The following FOCAD variants were observed in gnomAD, a reference collection of about 807,000 sequenced individuals.
FOCAD encodes KIAA1797.
A neutral mutation model predicts 225.6 loss-of-function variants in FOCAD; 198 were observed. The ratio of observed to expected loss-of-function variants is 0.88; its 90% CI spans 0.78 to 0.99. FOCAD has a LOEUF of 0.99. FOCAD is among the 50% of genes least tolerant of loss of function. FOCAD has a pLI of 0.00. For synonymous variants in FOCAD, 897 were observed against 755.0 expected (o/e 1.19, Z -3.08); for missense variants, 2,713 against 2,123.6 (o/e 1.28, Z -5.46).
chr9:20,978,328 T>C lies in FOCAD; in HGVS notation c.4262-11T>C. Reference sequence around the variant, plus strand: ...CTATATATTCAATTCTTTTCCTTTCTTGACTTTCAGGTGAAGAGATCCAGC... The same window carrying C: ...CTATATATTCAATTCTTTTCCTTTCCTGACTTTCAGGTGAAGAGATCCAGC... On this transcript the variant is annotated splice_polypyrimidine_tract_variant and intron_variant, in intron 36 of 43. Coordinates refer to ENST00000338382, the MANE Select transcript of FOCAD (RefSeq NM_001375567.1). 1 of 1,571,014 alleles carries C rather than the reference T, an allele frequency of 6.4e-7. No individual in the cohort carries two copies. Among genetic ancestry groups the C allele is most frequent in the Non-Finnish European group, 8.7e-7 (1 of 1,150,320 alleles).
intron 35 of FOCAD, among the ~76,000 whole-genome samples, chr9:20,961,829 G>A (rs1392697435): frequency 6.6e-6 from 1 of 152,086 alleles, no homozygotes; most frequent in East Asian, 1.9e-4. Flanking sequence ...ATCCTACTTT[G>A]TGGCCTTCCT....
At chr9:20,935,781 C>T (rs144984345) in intron 28 of FOCAD, among the ~76,000 whole-genome samples, 1 of 152,276 alleles carries the variant, frequency 6.6e-6, no homozygotes, top group African/African-American at 2.4e-5. Context: ...TTATGTTTCC[C>T]TGTGAAATCA....
intron 5 of FOCAD, among the ~76,000 whole-genome samples, chr9:20,749,430 T>C (rs1268909062): frequency 6.6e-6 from 1 of 152,160 alleles, no homozygotes; most frequent in Non-Finnish European, 1.5e-5. Flanking sequence ...TTGTTTAGTT[T>C]TTCCTTTTGA....
At chr9:20,832,777 T>C (rs968523783) in intron 15 of FOCAD, among the ~76,000 whole-genome samples, 2 of 152,050 alleles carry the variant, frequency 1.3e-5, no homozygotes, top group African/African-American at 2.4e-5. Flanking sequence ...GTGTGGCAAA[T>C]GACAGGACCT....
intron 22 of FOCAD, among the ~76,000 whole-genome samples, chr9:20,911,168 C>A (rs916037884): frequency 7.2e-5 from 11 of 152,048 alleles, no homozygotes; most frequent in African/African-American, 2.7e-4. Flanking sequence ...ATATTAATAT[C>A]TTGCTAATTT....
At chr9:20,773,922 G>A (rs116791345) in intron 8 of FOCAD, among the ~76,000 whole-genome samples, 3 of 152,136 alleles carry the variant, frequency 2.0e-5, no homozygotes, top group Non-Finnish European at 2.9e-5. Context: ...TTCCTTGCTT[G>A]TTAGGAACTG....
chr9:20,880,298 G>A (rs929949351), intron 19 of FOCAD, among the ~76,000 whole-genome samples: 150 of 152,296 alleles, frequency 9.8e-4, no homozygotes, highest in African/African-American at 3.4e-3. Context: ...CAGAGATAAC[G>A]GGAGGAAGAA....
At chr9:20,818,237 A>T (rs529247014) in intron 11 of FOCAD, among the ~76,000 whole-genome samples, 2 of 152,060 alleles carry the variant, frequency 1.3e-5, no homozygotes, top group East Asian at 1.9e-4. Context: ...TGGGTAAATT[A>T]TTGGGTTTTA....
At chr9:20,730,091 C>T (rs573559147) in intron 4 of FOCAD, among the ~76,000 whole-genome samples, 1 of 152,236 alleles carries the variant, frequency 6.6e-6, no homozygotes, top group Non-Finnish European at 1.5e-5. Context: ...ACCTAAAATT[C>T]CCCACTTAAG....
In FOCAD at chr9:20,892,940, A is replaced by G. The variant is rs111445408; in HGVS notation, c.2625+7710A>G. Reference sequence around the variant, plus strand: ...GTTAGCAACCATCAACATCCAGGCAAGACCTTCCACTCACAAAAATATTAG... The same window carrying G: ...GTTAGCAACCATCAACATCCAGGCAGGACCTTCCACTCACAAAAATATTAG... On this transcript the variant is annotated intron_variant, in intron 21 of 43. Coordinates refer to ENST00000338382, the MANE Select transcript of FOCAD (RefSeq NM_001375567.1). Among the ~76,000 whole-genome samples the G allele has an allele frequency of 6.3e-3, 965 of 152,282 alleles. 8 individuals are homozygous for G. Among genetic ancestry groups the G allele is most frequent in the African/African-American group, 0.022 (917 of 41,560 alleles).
chr9:20,832,269 C>T lies in FOCAD; in HGVS notation c.1920+9154C>T, dbSNP rs141296478. Among the ~76,000 whole-genome samples the T allele has an allele frequency of 2.4e-3, 363 of 152,056 alleles. 1 individual carries two copies. The highest frequency in any genetic ancestry group is 7.9e-3 in the African/African-American group (328 of 41,526). On this transcript the variant is annotated intron_variant, in intron 15 of 43. Transcript: ENST00000338382. Reference sequence around the variant, plus strand: ...GTTTTGAGGAATGCCATACTGTTTTCCAGAGTAGCAGTTCTGTTTTACATT... The same window carrying T: ...GTTTTGAGGAATGCCATACTGTTTTTCAGAGTAGCAGTTCTGTTTTACATT...
chr9:20,775,462 A>G (rs912758507), intron 8 of FOCAD, among the ~76,000 whole-genome samples: 4 of 152,190 alleles, frequency 2.6e-5, no homozygotes, highest in African/African-American at 9.7e-5. Flanking sequence ...TTAAGTTTTC[A>G]GATTTTGTAG....
chr9:20,923,662 A>G lies in FOCAD; in HGVS notation c.2855A>G (p.Glu952Gly). The G allele has an allele frequency of 6.2e-7, 1 of 1,613,346 alleles. No homozygotes were observed. The highest frequency in any genetic ancestry group is 8.5e-7 in the Non-Finnish European group (1 of 1,179,484). The change falls in exon 25 of 44, where the codon GAG becomes GGG. Residue 952 changes from glutamate to glycine, a missense_variant and splice_region_variant. Glu to Gly is a moderately conservative substitution (Grantham distance 98, BLOSUM62 -2). Transcript: ENST00000338382. ...TDEITKAAAKESPVVKGNALL... is the reference protein window; with the variant it reads ...TDEITKAAAKGSPVVKGNALL... ...GAAATTTTTTTCCTTTTGAACAGGG[A>G]GAGTCCGGTAGTGAAAGGCAATGCG...
chr9:20,695,865 C>T (rs998638174), intron 1 of FOCAD, among the ~76,000 whole-genome samples: 2 of 152,320 alleles, frequency 1.3e-5, no homozygotes, highest in South Asian at 4.1e-4. Flanking sequence ...TGCAGCTAAG[C>T]ACACACATTT....
At chr9:20,918,710 C>T (rs1180832531) in intron 24 of FOCAD, among the ~76,000 whole-genome samples, 25 of 145,042 alleles carry the variant, frequency 1.7e-4, no homozygotes, top group Admixed American at 9.7e-4. Context: ...GGTGACAGAG[C>T]GAGACTCCGT....
intron 10 of FOCAD, among the ~76,000 whole-genome samples, chr9:20,784,047 A>G (rs1819665494): frequency 6.6e-6 from 1 of 152,186 alleles, no homozygotes; most frequent in Admixed American, 6.5e-5. Context: ...AGGAACTAAA[A>G]AGTCTCCCCA....
chr9:20,755,448 T>C (rs1280746935), intron 5 of FOCAD, among the ~76,000 whole-genome samples: 1 of 152,174 alleles, frequency 6.6e-6, no homozygotes, highest in Non-Finnish European at 1.5e-5. Context: ...TTTAATCTCA[T>C]TTTATACTAT....
intron 15 of FOCAD, among the ~76,000 whole-genome samples, chr9:20,850,792 T>C (rs1459605833): frequency 6.7e-6 from 1 of 150,190 alleles, no homozygotes; most frequent in African/African-American, 2.4e-5. Flanking sequence ...CTCCAGGAAC[T>C]CCTTTCTGAT....
At chr9:20,944,362 A>G (rs746215253) in intron 28 of FOCAD, among the ~76,000 whole-genome samples, 5 of 152,112 alleles carry the variant, frequency 3.3e-5, no homozygotes, top group Non-Finnish European at 5.9e-5. Flanking sequence ...TTTAAGTCAA[A>G]CTATTTCCTG....
Sources: allele counts gnomAD v4.1 joint callset (sites outside exome capture counted in the v4.1 genomes callset), GRCh38; gene constraint gnomAD v4.1.1; transcripts MANE v1.5; gene names NCBI Gene and HGNC (gene_info 2026-07-23, HGNC 2026-07-21).